The following ANKRD55 variants were observed in gnomAD, a reference collection of about 807,000 sequenced individuals.
ANKRD55 encodes the protein ankyrin repeat domain 55.
A neutral mutation model predicts 60.6 loss-of-function variants in ANKRD55; 41 were observed. The ratio of observed to expected loss-of-function variants is 0.68; its 90% CI spans 0.53 to 0.88. The LOEUF (loss-of-function observed/expected upper bound fraction) is 0.88. ANKRD55 is among the 40% of genes least tolerant of loss of function. The pLI, the probability that ANKRD55 is intolerant of heterozygous loss-of-function variation, is 0.00. For missense variants in ANKRD55, 732 were observed against 767.6 expected (o/e 0.95, Z 0.55); for synonymous variants, 264 against 290.3 (o/e 0.91, Z 0.92).
At chr5:56,202,365 A>C (rs1759400431) in intron 2 of ANKRD55, among the ~76,000 whole-genome samples, 1 of 152,008 alleles carries the variant, frequency 6.6e-6, no homozygotes, top group African/African-American at 2.4e-5. Context: ...CCAAATTACT[A>C]CTTTGACATT....
intron 9 of ANKRD55, chr5:56,114,094 C>T (rs576902216): frequency 2.0e-5 from 3 of 150,668 alleles, no homozygotes; most frequent in Admixed American, 1.3e-4. Context: ...TTTGGGAGGC[C>T]GAGGCGGGTG....
chr5:56,132,463 C>T (rs1447016839), intron 7 of ANKRD55, among the ~76,000 whole-genome samples: 8 of 146,492 alleles, frequency 5.5e-5, no homozygotes, highest in South Asian at 2.1e-4. Flanking sequence ...TGGTGGCGGG[C>T]GCCTGTAGTC....
chr5:56,144,562 C>T (rs1208606017), intron 6 of ANKRD55, among the ~76,000 whole-genome samples: 1 of 151,218 alleles, frequency 6.6e-6, no homozygotes, highest in Admixed American at 6.6e-5. Flanking sequence ...AGGGGCTGAT[C>T]CTGGGAGGGT....
chr5:56,177,442 G>A (rs753226083), intron 3 of ANKRD55, among the ~76,000 whole-genome samples: 3 of 152,118 alleles, frequency 2.0e-5, no homozygotes, highest in Non-Finnish European at 4.4e-5. Context: ...AATTATTGAA[G>A]CAATCTGTGA....
intron 6 of ANKRD55, 136 bp from the exon 7 acceptor site, chr5:56,144,065 C>A (rs1757839162): frequency 9.0e-6 from 10 of 1,112,604 alleles, no homozygotes; most frequent in South Asian, 1.4e-5. Flanking sequence ...TTCATTCATT[C>A]ATTAATCCAT....
intron 10 of ANKRD55, among the ~76,000 whole-genome samples, chr5:56,109,543 T>A (rs1051909726): frequency 2.0e-5 from 3 of 151,930 alleles, no homozygotes; most frequent in Non-Finnish European, 4.4e-5. Flanking sequence ...GATCTTTTTT[T>A]TTTTTTCTGT....
At chr5:56,226,653 C>A (rs529513717) in intron 2 of ANKRD55, among the ~76,000 whole-genome samples, 20 of 152,292 alleles carry the variant, frequency 1.3e-4, no homozygotes, top group African/African-American at 4.1e-4. Context: ...AAAAATCAAA[C>A]AACCCCATCA....
In ANKRD55 at chr5:56,164,154, C is replaced by T. The variant is rs1758395872; in HGVS notation, c.423-4261G>A. On this transcript the variant is annotated intron_variant, in intron 5 of 11. Transcript: ENST00000341048. The stretch of plus-strand genomic sequence containing the variant: ...ATGATTAATTTTTTAATAGCTCCTA[C>T]CTTCTATTTTCTGGGTCTCCACTGA... Among the ~76,000 whole-genome samples, 6 of 152,262 alleles carry T rather than the reference C, an allele frequency of 3.9e-5. No individual in the cohort carries two copies. The South Asian group carries it at 1.0e-3, about 26-fold the overall frequency.
At chr5:56,129,564 G>A (rs545095213) in intron 7 of ANKRD55, among the ~76,000 whole-genome samples, 1 of 152,224 alleles carries the variant, frequency 6.6e-6, no homozygotes. Flanking sequence ...GAGTTAATGT[G>A]TAATAATTTT....
intron 7 of ANKRD55, among the ~76,000 whole-genome samples, chr5:56,139,591 A>T (rs1223700706): frequency 1.3e-5 from 2 of 152,236 alleles, no homozygotes; most frequent in Non-Finnish European, 2.9e-5. Flanking sequence ...CAGGGGAGAG[A>T]GAAGGAATCT....
chr5:56,226,753 G>T (rs1760122547), intron 2 of ANKRD55, among the ~76,000 whole-genome samples: 1 of 152,132 alleles, frequency 6.6e-6, no homozygotes, highest in Non-Finnish European at 1.5e-5. Flanking sequence ...ATCATCACTG[G>T]CCATCAAAGA....
intron 9 of ANKRD55, among the ~76,000 whole-genome samples, chr5:56,115,299 T>C (rs1756854862): frequency 1.3e-5 from 2 of 149,862 alleles, no homozygotes; most frequent in South Asian, 4.2e-4. Context: ...ATGCAAAGAG[T>C]AGATGTGGAA....
At position 56,166,111 on chromosome 5, in the gene ANKRD55, T is replaced by TTTCTTTC. The variant is rs1561277655; in HGVS notation, c.422+4576_422+4582dup. On this transcript the variant is annotated intron_variant, in intron 5 of 11. Transcript: ENST00000341048. Reference sequence around the variant, plus strand: ...TTTTCTTTCTTTCTTTCTTTCTTTCTTTCTTTCTTTCTTTCTTTCTTTCTT... The same window carrying TTTCTTTC: ...TTTTCTTTCTTTCTTTCTTTCTTTCTTTCTTTCTTCTTTCTTTCTTTCTTTCTTTCTT... 2.7e-3 allele frequency among the ~76,000 whole-genome samples: 205 copies of TTTCTTTC among 76,172 alleles called. 3 individuals are homozygous for TTTCTTTC. The highest frequency in any genetic ancestry group is 7.3e-3 in the South Asian group (16 of 2,188). The allele number at this position is 76,172 out of a possible 152,430, so 50.0% of individuals were successfully genotyped here.
chr5:56,186,904 C>T (rs1276078035), intron 2 of ANKRD55, among the ~76,000 whole-genome samples: 1 of 152,162 alleles, frequency 6.6e-6, no homozygotes, highest in African/African-American at 2.4e-5. Flanking sequence ...GGAGGAAGAT[C>T]CTGGTGGTGG....
At position 56,112,504 on chromosome 5, in the gene ANKRD55, C is replaced by CAAAAAAAAAAAAAAAAAA. The variant is rs1187255213; in HGVS notation, c.966-740_966-723dup. ...CAACATGGCAGGATCTCATCTCTAG[C>CAAAAAAAAAAAAAAAAAA]AAAAAAAAAAAAAAAAAACAACCAA... On this transcript the variant is annotated intron_variant, in intron 9 of 11. Coordinates refer to ENST00000341048, the MANE Select transcript of ANKRD55 (RefSeq NM_024669.3). Among the ~76,000 whole-genome samples, 20 of 25,642 alleles carry CAAAAAAAAAAAAAAAAAA rather than the reference C, an allele frequency of 7.8e-4. 1 individual carries two copies. The highest frequency in any genetic ancestry group is 1.1e-3 in the Non-Finnish European group (15 of 14,042). The allele number at this position is 25,642 out of a possible 152,430, so 16.8% of individuals were successfully genotyped here.
intron 2 of ANKRD55, among the ~76,000 whole-genome samples, chr5:56,223,745 G>A (rs1267922611): frequency 6.6e-6 from 1 of 152,110 alleles, no homozygotes; most frequent in Non-Finnish European, 1.5e-5. Flanking sequence ...AGACAAAGAA[G>A]GCCATTACAT....
At position 56,159,852 on chromosome 5, in the gene ANKRD55, A is replaced by C; in HGVS notation, c.464T>G (p.Ile155Ser). Residue 155 changes from isoleucine to serine, a missense_variant, in exon 6 of 12, where the codon ATT becomes AGT. This residue lies in a region of ANKRD55 where 597 missense variants were observed against 607.5 expected (regional missense o/e 0.98). Coordinates refer to ENST00000341048, the MANE Select transcript of ANKRD55 (RefSeq NM_024669.3). ...VLLQQSNISEINHQDNEGMTP... is the reference protein window; with the variant it reads ...VLLQQSNISESNHQDNEGMTP... ...GCTCACCTCATTGTCCTGGTGATTA[A>C]TCTCGCTGATGTTCGACTGTTGCAA... The C allele has an allele frequency of 6.2e-7, 1 of 1,613,940 alleles. No homozygotes were observed. The highest frequency in any genetic ancestry group is 8.5e-7 in the Non-Finnish European group (1 of 1,179,894).
intron 2 of ANKRD55, among the ~76,000 whole-genome samples, chr5:56,220,809 T>C (rs1223797734): frequency 6.6e-6 from 1 of 151,738 alleles, no homozygotes; most frequent in African/African-American, 2.4e-5. Context: ...TGAGACTCCA[T>C]CTCAAAAAAC....
intron 7 of ANKRD55, among the ~76,000 whole-genome samples, chr5:56,136,705 G>A (rs1384869200): frequency 6.6e-6 from 1 of 152,244 alleles, no homozygotes; most frequent in East Asian, 1.9e-4. Flanking sequence ...AGGATCACTT[G>A]AGTCCCGGAG....
Sources: allele counts gnomAD v4.1 joint callset (sites outside exome capture counted in the v4.1 genomes callset), GRCh38; gene constraint gnomAD v4.1.1; regional missense constraint gnomAD v4.1.1; transcripts MANE v1.5; gene names NCBI Gene and HGNC (gene_info 2026-07-23, HGNC 2026-07-21).